MLPH: variants seen among roughly 807,000 people sequenced by gnomAD.
MLPH encodes the protein exophilin-3.
Under a neutral mutation model 72.1 loss-of-function variants are expected in MLPH, and 51 were observed. That is an observed-to-expected ratio of 0.71 (90% CI 0.56 to 0.89). The LOEUF (loss-of-function observed/expected upper bound fraction) is 0.89, where lower values mean the gene tolerates loss of function less well. MLPH is among the 40% of genes least tolerant of loss of function. The probability of loss-of-function intolerance (pLI) is 0.00; values close to 1 mark genes in which losing one functional copy is unlikely to be tolerated. For synonymous variants in MLPH, 301 were observed against 310.1 expected (o/e 0.97, Z 0.31); for missense variants, 743 against 759.9 (o/e 0.98, Z 0.26).
chr2:237,548,636 A>C (rs1289493693), intron 13 of MLPH, among the ~76,000 whole-genome samples: 2 of 152,190 alleles, frequency 1.3e-5, no homozygotes, highest in Non-Finnish European at 2.9e-5. Flanking sequence ...TGGGAGGCCG[A>C]GGTGGGCGGA....
intron 6 of MLPH, among the ~76,000 whole-genome samples, chr2:237,523,954 T>G (rs1358392806): frequency 6.6e-6 from 1 of 152,102 alleles, no homozygotes; most frequent in South Asian, 2.1e-4. Flanking sequence ...TAGTTACTAA[T>G]ACAAGGCCTG....
intron 4 of MLPH, among the ~76,000 whole-genome samples, chr2:237,517,448 T>G (rs1156880413): frequency 6.6e-6 from 1 of 151,418 alleles, no homozygotes; most frequent in Non-Finnish European, 1.5e-5. Context: ...GATGGATGGA[T>G]GCATGGATGG....
intron 12 of MLPH, among the ~76,000 whole-genome samples, chr2:237,544,468 T>G (rs1466674215): frequency 3.5e-5 from 1 of 28,578 alleles, no homozygotes; most frequent in Non-Finnish European, 5.7e-5. Context: ...CAGTAGTGAG[T>G]GGGGACAGTG....
At chr2:237,548,486 C>A (rs888438139) in intron 13 of MLPH, among the ~76,000 whole-genome samples, 1 of 152,330 alleles carries the variant, frequency 6.6e-6, no homozygotes, top group South Asian at 2.1e-4. Flanking sequence ...ACCCAGGAAT[C>A]GTGTTAGCCA....
chr2:237,544,347 AAT>A (rs1361287267), intron 12 of MLPH, among the ~76,000 whole-genome samples: 5 of 2,068 alleles, frequency 2.4e-3, no homozygotes, highest in African/African-American at 0.015. Flanking sequence ...GACAGTGGTG[AAT>A]GGGGACAGTA....
At chr2:237,517,348 C>T (rs572081180) in intron 4 of MLPH, among the ~76,000 whole-genome samples, 7 of 138,424 alleles carry the variant, frequency 5.1e-5, no homozygotes, top group Middle Eastern at 0.011. Flanking sequence ...GGTGGATGGG[C>T]GGATAGATAG....
In MLPH at chr2:237,510,427, T is replaced by C; in HGVS notation, c.111-147T>C. ...ATGCCTGTGTGGCTTTGCCCAACGT[T>C]GGGTCACTGTTTTCTGCATAGGAGA... On this transcript the variant is annotated intron_variant, in intron 2 of 15. Transcript: ENST00000264605. The surrounding 1 kb of genome is among the most constrained non-coding windows in gnomAD (Gnocchi z 4.4). The C allele has an allele frequency of 1.2e-6, 1 of 859,918 alleles. No individual in the cohort carries two copies. Among genetic ancestry groups the C allele is most frequent in the Non-Finnish European group, 1.9e-6 (1 of 521,450 alleles). 53.3% of individuals were successfully genotyped at this position (859,918 alleles called of 1,614,324 possible).
chr2:237,517,538 G>A, intron 4 of MLPH, among the ~76,000 whole-genome samples: 1 of 151,538 alleles, frequency 6.6e-6, no homozygotes, highest in Admixed American at 6.6e-5. Flanking sequence ...TGTCTGAGTG[G>A]ATGAATGCAT....
At chr2:237,534,453 C>A in intron 8 of MLPH, 111 bp from the exon 9 acceptor site, 1 of 882,518 alleles carries the variant, frequency 1.1e-6, no homozygotes, top group Non-Finnish European at 1.9e-6. Flanking sequence ...GTGGCCTTAG[C>A]TCTCCTTCCG....
Position 237,541,827 on chromosome 2 carries a change from AATC to A in MLPH, c.1447-738_1447-736del, listed in dbSNP as rs2080693764. ...GGTTCATGAAAAGTGTGATTAAGAC[AATC>A]AGTGAAGGTGAGCCCCTAGAGTGCT... On this transcript the variant is annotated intron_variant, in intron 11 of 15. Transcript: ENST00000264605. The surrounding 1 kb of genome is among the most constrained non-coding windows in gnomAD (Gnocchi z 5.1). 6.6e-6 allele frequency among the ~76,000 whole-genome samples: 1 copy of A among 152,232 alleles called. No homozygotes were observed. The highest frequency in any genetic ancestry group is 6.5e-5 in the Admixed American group (1 of 15,284).
rs2079901192 is a variant in MLPH, at chr2:237,511,392, G to A, written c.445+291G>A. Reference sequence around the variant, plus strand: ...CTCCCGAAGTGCTGGGGTTATAAGTGTGAGCCACTGTGCCCTGTGAAATTG... The same window carrying A: ...CTCCCGAAGTGCTGGGGTTATAAGTATGAGCCACTGTGCCCTGTGAAATTG... On this transcript the variant is annotated intron_variant, in intron 4 of 15. Transcript: ENST00000264605. 4 of 401,418 alleles carry A rather than the reference G, an allele frequency of 1.0e-5. No homozygotes were observed. The Admixed American group carries it at 1.5e-4, about 15-fold the overall frequency. The allele number at this position is 401,418 out of a possible 1,614,324, so 24.9% of individuals were successfully genotyped here.
chr2:237,517,311 A>C (rs2080058860), intron 4 of MLPH, among the ~76,000 whole-genome samples: 1 of 148,426 alleles, frequency 6.7e-6, no homozygotes, highest in East Asian at 2.1e-4. Flanking sequence ...GGATGGATGA[A>C]CGGATGGATG....
At chr2:237,534,770 T>G in intron 9 of MLPH, 123 bp downstream of exon 9, 1 of 820,074 alleles carries the variant, frequency 1.2e-6, no homozygotes, top group Non-Finnish European at 2.1e-6. Flanking sequence ...TAAGGTTAAG[T>G]TCTGTGTGTA....
rs1050399953 is a variant in MLPH, at chr2:237,541,048, G to A, written c.1446+91G>A. 82 of 1,483,666 alleles carry A rather than the reference G, an allele frequency of 5.5e-5. No individual in the cohort carries two copies. The African/African-American group carries it at 7.0e-4, about 13-fold the overall frequency. The allele number at this position is 1,483,666 out of a possible 1,614,324, so 91.9% of individuals were successfully genotyped here. On this transcript the variant is annotated intron_variant, in intron 11 of 15. Coordinates refer to ENST00000264605, the MANE Select transcript of MLPH (RefSeq NM_024101.7). This position sits in a 1 kb window ranked among gnomAD's most constrained non-coding sequence, Gnocchi z 5.1. The stretch of plus-strand genomic sequence containing the variant: ...TGAACATCTGCCAGCTCTAACATCC[G>A]CCAGCTCACACTGAGCCCTCCCCAT...
chr2:237,543,392 A>G (rs1469285172), intron 12 of MLPH, among the ~76,000 whole-genome samples: 8 of 11,238 alleles, frequency 7.1e-4, no homozygotes, highest in Admixed American at 9.7e-4. Context: ...TGAGTGGGGG[A>G]ACAGTGGTGA....
At chr2:237,496,396 G>A (rs1178374425) in intron 2 of MLPH, among the ~76,000 whole-genome samples, 1 of 152,100 alleles carries the variant, frequency 6.6e-6, no homozygotes, top group African/African-American at 2.4e-5. Context: ...AAACCCCCAT[G>A]CGTTTCCTGT....
At chr2:237,542,527 C>A (rs376584358) in intron 11 of MLPH, 40 bp from the exon 12 acceptor site, 6 of 1,497,724 alleles carry the variant, frequency 4.0e-6, no homozygotes, top group South Asian at 3.6e-5. Flanking sequence ...GGATCTCGAG[C>A]GTCTGTCTGA....
chr2:237,495,056 C>T (rs2079508128), intron 2 of MLPH, among the ~76,000 whole-genome samples: 1 of 152,196 alleles, frequency 6.6e-6, no homozygotes, highest in South Asian at 2.1e-4. Flanking sequence ...CCTGGATTCC[C>T]TGGCTCCTGG....
chr2:237,527,567 T>C, intron 8 of MLPH, 51 bp downstream of exon 8: 2 of 1,608,858 alleles, frequency 1.2e-6, no homozygotes. Flanking sequence ...GGGTGGAGTC[T>C]TTTTACCTCC....
Sources: gnomAD v4.1 joint callset for allele counts (sites outside exome capture counted in the v4.1 genomes callset) on GRCh38, gnomAD v4.1.1 for gene constraint, Gnocchi (gnomAD v3.1) non-coding constraint, MANE v1.5 for transcripts, NCBI Gene and HGNC (gene_info 2026-07-23, HGNC 2026-07-21) for gene names.